MLYCD: variants seen among roughly 807,000 people sequenced by gnomAD.
The protein encoded by MLYCD is malonyl-CoA decarboxylase, also known as malonyl-CoA decarboxylase, mitochondrial.
MLYCD carries 27 observed loss-of-function variants against 35.8 expected under a neutral mutation model. The observed-to-expected ratio is 0.75, with a 90% CI of 0.56 to 1.04. MLYCD has a LOEUF of 1.04. Ranked by LOEUF, MLYCD falls within the 50% of genes least tolerant of loss-of-function variation. MLYCD has a pLI of 0.00. For synonymous variants in MLYCD, 403 were observed against 302.4 expected, an observed-to-expected ratio of 1.33 and a Z score of -3.45; for missense variants, 917 against 665.1, an observed-to-expected ratio of 1.38 and a Z score of -4.17.
In MLYCD at chr16:83,912,340, C is replaced by T. The variant is rs560238192; in HGVS notation, c.921C>T (p.Leu307=). The change falls in exon 4 of 5, where the codon CTC becomes CTT. Residue 307 remains leucine, a synonymous_variant. Transcript: ENST00000262430. ...GLQGVELGTF[L]IKRVVKELQR... is the part of the protein sequence containing the mutation. ...AAGGGGTGGAGCTGGGAACATTCCTCATAAAGCGAGTCGTCAAGGAGTTGC... is the reference window on the plus strand; with the variant it reads ...AAGGGGTGGAGCTGGGAACATTCCTTATAAAGCGAGTCGTCAAGGAGTTGC... 6.2e-7 allele frequency: 1 copy of T among 1,614,200 alleles called. No homozygotes were observed. Among genetic ancestry groups the T allele is most frequent in the Non-Finnish European group, 8.5e-7 (1 of 1,180,042 alleles).
At chr16:83,903,846 G>A (rs1299843531) in intron 1 of MLYCD, among the ~76,000 whole-genome samples, 5 of 152,212 alleles carry the variant, frequency 3.3e-5, no homozygotes, top group African/African-American at 1.2e-4. Context: ...ATTCCCCGCA[G>A]TTGTGTTTCT....
Position 83,915,271 on chromosome 16 carries a change from T to G in MLYCD, c.1264T>G (p.Phe422Val). 6.2e-7 allele frequency: 1 copy of G among 1,612,324 alleles called. No individual in the cohort carries two copies. The highest frequency in any genetic ancestry group is 8.5e-7 in the Non-Finnish European group (1 of 1,178,466). ...RGYALNPVAN[F>V]HLQNGAVLWR... ...CTACGCGCTGAACCCCGTGGCCAAC[T>G]TCCACCTGCAGAACGGGGCGGTGCT... Residue 422 changes from phenylalanine to valine, a missense_variant, in exon 5 of 5, where the codon TTC becomes GTC. Transcript: ENST00000262430.
Position 83,915,611 on chromosome 16 carries a change from C to T in MLYCD, c.*122C>T. On this transcript the variant is annotated 3_prime_UTR_variant, in exon 5 of 5. Coordinates refer to ENST00000262430, the MANE Select transcript of MLYCD (RefSeq NM_012213.3). ...AGCCAAAGTTGACTGTGTTCTTGTC[C>T]CGCAGCCGGTCCACACTGTGAGGCC... 8 of 1,532,134 alleles carry T rather than the reference C, an allele frequency of 5.2e-6. No individual in the cohort carries two copies. Among genetic ancestry groups the T allele is most frequent in the Non-Finnish European group, 7.0e-6 (8 of 1,145,620 alleles). 94.9% of individuals were successfully genotyped at this position (1,532,134 alleles called of 1,614,324 possible).
At chr16:83,902,155 G>GTATATATATA (rs386385269) in intron 1 of MLYCD, among the ~76,000 whole-genome samples, 36 of 87,312 alleles carry the variant, frequency 4.1e-4, no homozygotes, top group African/African-American at 1.3e-3. Flanking sequence ...GTGTGCGTGC[G>GTATATATATA]TATATATATA....
At chr16:83,901,976 T>C (rs1906802760) in intron 1 of MLYCD, among the ~76,000 whole-genome samples, 1 of 152,064 alleles carries the variant, frequency 6.6e-6, no homozygotes, top group African/African-American at 2.4e-5. Flanking sequence ...CTTTCTGTGA[T>C]TGCTTTATTG....
At chr16:83,914,564 C>T (rs1189245141) in intron 4 of MLYCD, 1 of 320,628 alleles carries the variant, frequency 3.1e-6, no homozygotes, top group South Asian at 2.7e-5. Context: ...GGGACAGAGA[C>T]GCCCTGCCTT....
chr16:83,924,072 C>G lies in MLYCD; in HGVS notation c.*8583C>G, dbSNP rs1160232584. 1.3e-5 allele frequency: 2 copies of G among 152,214 alleles called. No homozygotes were observed. The highest frequency in any genetic ancestry group is 3.9e-4 in the East Asian group (2 of 5,182). 9.4% of individuals were successfully genotyped at this position (152,214 alleles called of 1,614,324 possible). A position where few individuals can be genotyped will look rare whatever the true frequency, so the allele number is the denominator to read the frequency against. On this transcript the variant is annotated 3_prime_UTR_variant, in exon 5 of 5. Coordinates refer to ENST00000262430, the MANE Select transcript of MLYCD (RefSeq NM_012213.3). ...GGCTGCCAGGGAGAGAAGCTGAGCTCCCACCAAAGCATAAAATCCAGGCCA... is the reference window on the plus strand; with the variant it reads ...GGCTGCCAGGGAGAGAAGCTGAGCTGCCACCAAAGCATAAAATCCAGGCCA...
In MLYCD at chr16:83,920,636, C is replaced by G. The variant is rs1226538653; in HGVS notation, c.*5147C>G. On this transcript the variant is annotated 3_prime_UTR_variant, in exon 5 of 5. Transcript: ENST00000262430. ...GGGAGCCCAGGAAGAGCTGCACATC[C>G]GCTGCCTCTGTGTGGCAGGCGTGTC... 6 of 152,234 alleles carry G rather than the reference C, an allele frequency of 3.9e-5. No homozygotes were observed. The highest frequency in any genetic ancestry group is 1.4e-4 in the African/African-American group (6 of 41,456). The allele number at this position is 152,234 out of a possible 1,614,324, so 9.4% of individuals were successfully genotyped here.
intron 2 of MLYCD, 71 bp from the exon 3 acceptor site, chr16:83,908,055 A>G: frequency 1.9e-6 from 3 of 1,581,142 alleles, no homozygotes; most frequent in South Asian, 1.1e-5. Flanking sequence ...GACGAATAGT[A>G]TGAATAGGAG....
rs755172155 is a variant in MLYCD, at chr16:83,899,337, G to T, written c.193G>T (p.Glu65Ter). Reference protein sequence around the residue: ...ELREKTPAPAEGQCADFVSFY... With the variant: ...ELREKTPAPA ...GCGCGAGAAGACACCGGCGCCCGCCGAGGGTCAGTGCGCGGACTTCGTGAG... is the reference window on the plus strand; with the variant it reads ...GCGCGAGAAGACACCGGCGCCCGCCTAGGGTCAGTGCGCGGACTTCGTGAG... Residue 65 changes from glutamate to a stop codon, truncating the protein, a stop_gained, in exon 1 of 5, where the codon GAG becomes TAG. Transcript: ENST00000262430. LOFTEE classifies it high-confidence loss of function. The T allele has an allele frequency of 2.6e-6, 4 of 1,512,820 alleles. No individual in the cohort carries two copies. The highest frequency in any genetic ancestry group is 2.7e-5 in the East Asian group (1 of 37,042). 93.7% of individuals were successfully genotyped at this position (1,512,820 alleles called of 1,614,324 possible).
chr16:83,907,650 T>C (rs1264323414), intron 2 of MLYCD, among the ~76,000 whole-genome samples: 3 of 152,304 alleles, frequency 2.0e-5, no homozygotes, highest in East Asian at 1.9e-4. Context: ...AAGTGTCCTA[T>C]TTGAAATGTA....
chr16:83,905,971 A>G (rs192801294), intron 1 of MLYCD, among the ~76,000 whole-genome samples: 2 of 152,196 alleles, frequency 1.3e-5, no homozygotes, highest in Non-Finnish European at 2.9e-5. Flanking sequence ...AATTCACATC[A>G]TTTTTGGAAG....
Position 83,899,227 on chromosome 16 carries a change from C to A in MLYCD, c.83C>A (p.Ala28Glu). 8.1e-7 allele frequency: 1 copy of A among 1,236,784 alleles called. No individual in the cohort carries two copies. Among genetic ancestry groups the A allele is most frequent in the South Asian group, 3.2e-5 (1 of 31,428 alleles). 76.6% of individuals were successfully genotyped at this position (1,236,784 alleles called of 1,614,324 possible). Residue 28 changes from alanine to glutamate, a missense_variant, in exon 1 of 5, where the codon GCG becomes GAG. By Grantham distance (107) the Ala-to-Glu change is moderately radical. Transcript: ENST00000262430. ...CCGCGGCCGCCCGGGCCCCGGCTGG[C>A]GAGCGGGCAGGCGGCCGGCGCCCTG... ...LPPRPPGPRLASGQAAGALER... is the reference protein window; with the variant it reads ...LPPRPPGPRLESGQAAGALER...
rs1490411295 is a variant in MLYCD, at chr16:83,916,988, G to A, written c.*1499G>A. ...TCTATGTGGATCAGTGCACGCCTGT[G>A]TGCGTGTGCACGAGCGTCTCTGTGT... On this transcript the variant is annotated 3_prime_UTR_variant, in exon 5 of 5. Transcript: ENST00000262430. The A allele has an allele frequency of 7.5e-6, 1 of 133,390 alleles. No individual in the cohort carries two copies. The highest frequency in any genetic ancestry group is 2.9e-5 in the African/African-American group (1 of 34,642). The allele number at this position is 133,390 out of a possible 1,614,324, so 8.3% of individuals were successfully genotyped here.
chr16:83,911,448 T>G (rs907889025), intron 3 of MLYCD, among the ~76,000 whole-genome samples: 1 of 152,166 alleles, frequency 6.6e-6, no homozygotes, highest in African/African-American at 2.4e-5. Context: ...TCAAAGCAAA[T>G]GAAAAGGTAG....
chr16:83,901,278 T>G (rs752463465), intron 1 of MLYCD, among the ~76,000 whole-genome samples: 1 of 152,226 alleles, frequency 6.6e-6, no homozygotes, highest in Non-Finnish European at 1.5e-5. Context: ...CACTTGGACA[T>G]AGTACTTGCA....
Position 83,921,460 on chromosome 16 carries a change from C to G in MLYCD, c.*5971C>G, listed in dbSNP as rs900860737. 5 of 144,220 alleles carry G rather than the reference C, an allele frequency of 3.5e-5. No individual in the cohort carries two copies. In the East Asian group the frequency reaches 1.1e-3, roughly 31 times the overall value. The allele number at this position is 144,220 out of a possible 1,614,324, so 8.9% of individuals were successfully genotyped here. On this transcript the variant is annotated 3_prime_UTR_variant, in exon 5 of 5. Transcript: ENST00000262430. ...GGTGGGTGGGTGGGTGGATGGATGG[C>G]GCAGGGTATATGGAAGGAAGATGGA...
At chr16:83,903,897 C>G (rs1043388399) in intron 1 of MLYCD, among the ~76,000 whole-genome samples, 1 of 152,170 alleles carries the variant, frequency 6.6e-6, no homozygotes, top group Non-Finnish European at 1.5e-5. Flanking sequence ...AATTAACGCA[C>G]GTACAGTTGC....
At chr16:83,905,572 G>T (rs1906944522) in intron 1 of MLYCD, among the ~76,000 whole-genome samples, 2 of 152,156 alleles carry the variant, frequency 1.3e-5, no homozygotes, top group South Asian at 4.1e-4. Context: ...GCCACGTCGT[G>T]GCCCAGGATG....
Sources: gnomAD v4.1 joint callset for allele counts (sites outside exome capture counted in the v4.1 genomes callset) on GRCh38, gnomAD v4.1.1 for gene constraint, MANE v1.5 for transcripts, NCBI Gene and HGNC (gene_info 2026-07-23, HGNC 2026-07-21) for gene names.